The following HSH2D variants were observed in gnomAD, a reference collection of about 807,000 sequenced individuals.
The protein encoded by HSH2D is hematopoietic SH2 domain-containing protein.
Under a neutral mutation model 21.5 loss-of-function variants are expected in HSH2D, and 16 were observed. The observed-to-expected ratio is 0.74, with a 90% CI of 0.50 to 1.13. The LOEUF is 1.13. HSH2D is among the 50% of genes most tolerant of loss of function. HSH2D has a pLI of 0.00. For synonymous variants in HSH2D, 172 were observed against 184.7 expected (o/e 0.93, Z 0.56); for missense variants, 418 against 441.4 (o/e 0.95, Z 0.47).
intron 2 of HSH2D, among the ~76,000 whole-genome samples, chr19:16,152,029 C>A (rs1005087456): frequency 6.8e-6 from 1 of 147,690 alleles, no homozygotes; most frequent in African/African-American, 2.5e-5. Context: ...ATCACCTGAA[C>A]CCAGGAGGTT....
rs781486248 is a variant in HSH2D at position 16,157,235 on chromosome 19, A to G, written c.500A>G (p.His167Arg). The change falls in exon 6 of 6, where the codon CAC becomes CGC. Residue 167 changes from histidine to arginine, a missense_variant. By Grantham distance (29) the His-to-Arg change is conservative. Transcript: ENST00000613986. This position sits in a 1 kb window ranked among gnomAD's most constrained non-coding sequence, Gnocchi z 4.4. Reference sequence around the variant, plus strand: ...GCCTCCCCAAAGCCAGTCCTGTGTCACCAATCAAAGGAAAGGAAGCCGTCA... The same window carrying G: ...GCCTCCCCAAAGCCAGTCCTGTGTCGCCAATCAAAGGAAAGGAAGCCGTCA... ...EEASPKPVLC[H>R]QSKERKPSAE... 6 of 1,562,310 alleles carry G rather than the reference A, an allele frequency of 3.8e-6. No homozygotes were observed. Among genetic ancestry groups the G allele is most frequent in the Non-Finnish European group, 4.3e-6 (5 of 1,157,352 alleles).
chr19:16,152,806 C>G lies in HSH2D; in HGVS notation c.215+165C>G, dbSNP rs377603593. 2.2e-5 allele frequency: 17 copies of G among 759,158 alleles called. 1 individual carries two copies. The highest frequency in any genetic ancestry group is 1.4e-4 in the African/African-American group (8 of 58,384). 47.0% of individuals were successfully genotyped at this position (759,158 alleles called of 1,614,324 possible). A position where few individuals can be genotyped will look rare whatever the true frequency, so the allele number is the denominator to read the frequency against. ...CCAAGCAATGAGTGAAGCTTTTGTC[C>G]GTAGTGGCATGTTTTATCTGAGGCC... On this transcript the variant is annotated intron_variant, in intron 3 of 5. Coordinates refer to ENST00000613986, the MANE Select transcript of HSH2D (RefSeq NM_001382417.1).
At chr19:16,156,967 CAG>C (rs2091244874) in intron 5 of HSH2D, among the ~76,000 whole-genome samples, 1 of 149,744 alleles carries the variant, frequency 6.7e-6, no homozygotes, top group Admixed American at 6.7e-5. Context: ...GACTGGGCGA[CAG>C]AGTGAAACTC....
At chr19:16,140,383 C>A (rs544777303), upstream of HSH2D, among the ~76,000 whole-genome samples, 1 of 152,016 alleles carries the variant, frequency 6.6e-6, no homozygotes, top group Non-Finnish European at 1.5e-5. Flanking sequence ...GGTGGGCAGA[C>A]CACTTGAGGT....
At chr19:16,156,305 GCAC>G (rs2091236117) in intron 5 of HSH2D, among the ~76,000 whole-genome samples, 1 of 151,710 alleles carries the variant, frequency 6.6e-6, no homozygotes, top group Non-Finnish European at 1.5e-5. Flanking sequence ...AGCCATGATT[GCAC>G]CACTGCACTC....
At chr19:16,135,191 G>C (rs1276630637) in intron 1 of HSH2D, among the ~76,000 whole-genome samples, 1 of 152,126 alleles carries the variant, frequency 6.6e-6, no homozygotes, top group Non-Finnish European at 1.5e-5. Flanking sequence ...AGAATCGCTT[G>C]AACCTGGGAG....
chr19:16,145,343 G>A (rs111856303), intron 1 of HSH2D, among the ~76,000 whole-genome samples: 3,653 of 152,176 alleles, frequency 0.024, 140 homozygotes, highest in African/African-American at 0.084. Flanking sequence ...CTCCTGAGTA[G>A]CTGGGATTAC....
At chr19:16,134,837 A>AG (rs2090949930) in intron 1 of HSH2D, among the ~76,000 whole-genome samples, 1 of 151,976 alleles carries the variant, frequency 6.6e-6, no homozygotes, top group Admixed American at 6.6e-5. Context: ...AGCTCTCCCC[A>AG]GGGGCTGGGG....
In HSH2D at chr19:16,153,214, G is replaced by T; in HGVS notation, c.381+6G>T. On this transcript the variant is annotated splice_donor_region_variant and intron_variant, in intron 4 of 5. Transcript: ENST00000613986. Reference sequence around the variant, plus strand: ...TGACACAGCCCTGCAGGCAGGTGAGGGCGGGGACCCACAAGGTTCACAGCC... The same window carrying T: ...TGACACAGCCCTGCAGGCAGGTGAGTGCGGGGACCCACAAGGTTCACAGCC... 6.6e-7 allele frequency: 1 copy of T among 1,515,774 alleles called. No individual in the cohort carries two copies. Among genetic ancestry groups the T allele is most frequent in the East Asian group, 2.4e-5 (1 of 41,062 alleles). The allele number at this position is 1,515,774 out of a possible 1,614,324, so 93.9% of individuals were successfully genotyped here. A position where few individuals can be genotyped will look rare whatever the true frequency, so the allele number is the denominator to read the frequency against.
chr19:16,148,338 A>C (rs1033265955), intron 1 of HSH2D, among the ~76,000 whole-genome samples: 3 of 152,000 alleles, frequency 2.0e-5, no homozygotes, highest in African/African-American at 7.2e-5. Context: ...TAGTAGAGAC[A>C]GGGTTTCATG....
chr19:16,138,934 C>G (rs10426375), upstream of HSH2D, among the ~76,000 whole-genome samples: 378 of 152,112 alleles, frequency 2.5e-3, no homozygotes, highest in African/African-American at 8.7e-3. Context: ...TCTCAGCTCA[C>G]TGCAACCTCC....
At chr19:16,145,070 G>A (rs545342368) in intron 1 of HSH2D, among the ~76,000 whole-genome samples, 74 of 130,848 alleles carry the variant, frequency 5.7e-4, no homozygotes, top group Non-Finnish European at 1.1e-3. Flanking sequence ...ACAGAGTTTC[G>A]CTCTGTTGCT....
In HSH2D at chr19:16,153,110, G is replaced by A. The variant is rs1181414596; in HGVS notation, c.283G>A (p.Glu95Lys). Residue 95 changes from glutamate to lysine, a missense_variant, in exon 4 of 6, where the codon GAG becomes AAG. Transcript: ENST00000613986. ...TGATGGGACTTTCATGATCCCCGGG[G>A]AGAAGGTGGCCCACACCTCGCTGGA... ...LDDGTFMIPG[E>K]KVAHTSLDAL... 3 of 1,607,806 alleles carry A rather than the reference G, an allele frequency of 1.9e-6. No homozygotes were observed. Among genetic ancestry groups the A allele is most frequent in the South Asian group, 1.1e-5 (1 of 89,880 alleles).
At chr19:16,156,982 T>C (rs1299314481) in intron 5 of HSH2D, among the ~76,000 whole-genome samples, 3 of 147,676 alleles carry the variant, frequency 2.0e-5, no homozygotes, top group Non-Finnish European at 3.0e-5. Flanking sequence ...TGAAACTCCA[T>C]CTCAAAAAAA....
chr19:16,148,627 A>G, intron 1 of HSH2D, 97 bp from the exon 2 acceptor site: 2 of 1,210,328 alleles, frequency 1.7e-6, no homozygotes, highest in East Asian at 4.7e-5. Context: ...ACCCTGGAGG[A>G]CTTCTCAAAG....
In HSH2D at chr19:16,148,826, C is replaced by A; in HGVS notation, c.76C>A (p.Leu26Met). The A allele has an allele frequency of 6.2e-7, 1 of 1,613,818 alleles. No individual in the cohort carries two copies. The highest frequency in any genetic ancestry group is 8.5e-7 in the Non-Finnish European group (1 of 1,179,810). The change falls in exon 2 of 6, where the codon CTG becomes ATG. Residue 26 changes from leucine (L) to methionine (M), a missense_variant. Transcript: ENST00000613986. ...DWFVHTQMGQ[L>M]AQDGVPEWFH... is the part of the protein sequence containing the mutation. ...GTTTGTGCACACCCAGATGGGCCAG[C>A]TGGCCCAAGACGGGGTCCCCGAGTG...
rs1288754716 is a variant in HSH2D at position 16,153,083 on chromosome 19, G to A, written c.256G>A (p.Asp86Asn). The change falls in exon 4 of 6, where the codon GAT becomes AAT. Residue 86 changes from aspartate (D) to asparagine (N), a missense_variant. By Grantham distance (23) the Asp-to-Asn change is conservative (BLOSUM62 1). Coordinates refer to ENST00000613986, the MANE Select transcript of HSH2D (RefSeq NM_001382417.1). ...CTGCCATTTCATGGTGAAGCTCTTG[G>A]ATGATGGGACTTTCATGATCCCCGG... ...SCCHFMVKLLDDGTFMIPGEK... is the reference protein window; with the variant it reads ...SCCHFMVKLLNDGTFMIPGEK... The A allele has an allele frequency of 4.3e-6, 7 of 1,611,022 alleles. No homozygotes were observed. The highest frequency in any genetic ancestry group is 4.2e-6 in the Non-Finnish European group (5 of 1,178,820).
chr19:16,143,148 G>C (rs374204852), upstream of HSH2D, among the ~76,000 whole-genome samples: 1 of 151,718 alleles, frequency 6.6e-6, no homozygotes, highest in Admixed American at 6.6e-5. Context: ...GCAATGGTGC[G>C]ATCTCTGCTC....
chr19:16,154,090 G>C (rs529935979), intron 4 of HSH2D, among the ~76,000 whole-genome samples: 2 of 135,644 alleles, frequency 1.5e-5, no homozygotes, highest in African/African-American at 5.0e-5. Context: ...GGACTCAGTG[G>C]GCCTGACCTA....
Sources: allele counts gnomAD v4.1 joint callset (sites outside exome capture counted in the v4.1 genomes callset), GRCh38; gene constraint gnomAD v4.1.1; non-coding constraint Gnocchi (gnomAD v3.1); transcripts MANE v1.5; gene names NCBI Gene and HGNC (gene_info 2026-07-23, HGNC 2026-07-21).